Variants in OTOG observed in about 807,000 individuals in gnomAD.
OTOG encodes the protein otogelin.
OTOG carries 296 observed loss-of-function variants against 313.8 expected under a neutral mutation model. The ratio of observed to expected loss-of-function variants is 0.94; its 90% CI spans 0.86 to 1.04. The LOEUF (loss-of-function observed/expected upper bound fraction) is 1.04, where lower values mean the gene tolerates loss of function less well. OTOG is among the 50% of genes least tolerant of loss of function. The probability of loss-of-function intolerance (pLI) is 0.00; values close to 1 mark genes in which losing one functional copy is unlikely to be tolerated. For missense variants in OTOG, 3,948 were observed against 3,840.1 expected (o/e 1.03, Z -0.74); for synonymous variants, 1,533 against 1,554.9 (o/e 0.99, Z 0.33).
At chr11:17,589,601 T>C (rs1319548951) in intron 24 of OTOG, among the ~76,000 whole-genome samples, 2 of 152,186 alleles carry the variant, frequency 1.3e-5, no homozygotes, top group South Asian at 2.1e-4. Flanking sequence ...CTCATCCCTA[T>C]TGCATAAAAA....
At position 17,633,722 on chromosome 11, in the gene OTOG, C is replaced by T. The variant is rs768535646; in HGVS notation, c.7115C>T (p.Thr2372Ile). 32 of 1,549,214 alleles carry T rather than the reference C, an allele frequency of 2.1e-5. 1 individual carries two copies. In the South Asian group the frequency reaches 3.8e-4, roughly 18 times the overall value. ...GACTCCACATACCAGGCATGTGTGA[C>T]AGCCTGTGAGCCACCCAAGACATGC... ...SSDSTYQACV[T>I]ACEPPKTCQD... The change falls in exon 43 of 56, where the codon ACA becomes ATA. Residue 2372 changes from threonine to isoleucine, a missense_variant. Thr to Ile is a moderately conservative substitution (Grantham distance 89, BLOSUM62 -1). Coordinates refer to ENST00000399397, the MANE Select transcript of OTOG (RefSeq NM_001292063.2).
At chr11:17,590,219 C>T (rs866555301) in intron 24 of OTOG, among the ~76,000 whole-genome samples, 2 of 152,216 alleles carry the variant, frequency 1.3e-5, no homozygotes, top group African/African-American at 4.8e-5. Context: ...ATACGTATGT[C>T]TAATGGAGGT....
chr11:17,638,650 T>A, intron 48 of OTOG, 101 bp downstream of exon 48: 1 of 1,484,532 alleles, frequency 6.7e-7, no homozygotes, highest in South Asian at 1.2e-5. Context: ...TCCTCTCAGA[T>A]CTGTCCCCTG....
At chr11:17,574,225 G>A (rs1419366620) in intron 19 of OTOG, among the ~76,000 whole-genome samples, 1 of 152,160 alleles carries the variant, frequency 6.6e-6, no homozygotes, top group Non-Finnish European at 1.5e-5. Context: ...CTTGAGTCTT[G>A]GGACAAAGGG....
chr11:17,556,494 T>G (rs1319011196), intron 7 of OTOG, among the ~76,000 whole-genome samples: 2 of 152,222 alleles, frequency 1.3e-5, no homozygotes, highest in African/African-American at 4.8e-5. Context: ...GTAATGACAC[T>G]TCTCCCTGTC....
chr11:17,632,970 T>C (rs574270057), intron 42 of OTOG, among the ~76,000 whole-genome samples: 2 of 152,270 alleles, frequency 1.3e-5, no homozygotes, highest in East Asian at 1.9e-4. Flanking sequence ...AAAAATACAA[T>C]AGAATAGAAA....
At chr11:17,565,643 C>T (rs1852280553) in intron 15 of OTOG, among the ~76,000 whole-genome samples, 2 of 152,176 alleles carry the variant, frequency 1.3e-5, no homozygotes, top group Admixed American at 1.3e-4. Flanking sequence ...TGTCTCTTTT[C>T]TCCCATTTAC....
In OTOG at chr11:17,560,651, C is replaced by T. The variant is rs574328097; in HGVS notation, c.1343-58C>T. On this transcript the variant is annotated intron_variant, in intron 12 of 55. Coordinates refer to ENST00000399397, the MANE Select transcript of OTOG (RefSeq NM_001292063.2). ...CTTTATCAGAGGCCCTGGGGAGCCA[C>T]GAATGGTTTGTGAACAGGGGCAAAG... The T allele has an allele frequency of 2.8e-5, 36 of 1,305,684 alleles. No homozygotes were observed. In the African/African-American group the frequency reaches 4.0e-4, roughly 14 times the overall value. The allele number at this position is 1,305,684 out of a possible 1,614,324, so 80.9% of individuals were successfully genotyped here. A position where few individuals can be genotyped will look rare whatever the true frequency, so the allele number is the denominator to read the frequency against.
intron 49 of OTOG, among the ~76,000 whole-genome samples, 200 bp from the exon 50 acceptor site, chr11:17,640,545 G>C (rs908468898): frequency 6.6e-6 from 1 of 152,212 alleles, no homozygotes; most frequent in Non-Finnish European, 1.5e-5. Flanking sequence ...AGAGGACACT[G>C]GACAGTGCTC....
At chr11:17,630,663 G>A (rs7941801) in intron 40 of OTOG, among the ~76,000 whole-genome samples, 80 of 152,180 alleles carry the variant, frequency 5.3e-4, no homozygotes, top group African/African-American at 1.8e-3. Context: ...ACAATCTTTT[G>A]TGAAAGGCTG....
chr11:17,556,741 G>T (rs1852064263), intron 7 of OTOG, among the ~76,000 whole-genome samples: 1 of 152,172 alleles, frequency 6.6e-6, no homozygotes, highest in Admixed American at 6.5e-5. Context: ...GGTCAAGGCT[G>T]CTGGAGCCCG....
At chr11:17,577,764 C>G (rs1285402990) in intron 22 of OTOG, among the ~76,000 whole-genome samples, 2 of 152,180 alleles carry the variant, frequency 1.3e-5, no homozygotes, top group Admixed American at 1.3e-4. Flanking sequence ...TTCATCCCAG[C>G]CTGGGCATGG....
At chr11:17,628,131 G>A (rs993530234) in intron 39 of OTOG, among the ~76,000 whole-genome samples, 7 of 151,472 alleles carry the variant, frequency 4.6e-5, no homozygotes, top group Admixed American at 1.3e-4. Context: ...TGCTTTTTTA[G>A]TTCTTTAAGA....
chr11:17,604,127 CAG>C (rs1252649044), intron 32 of OTOG, among the ~76,000 whole-genome samples: 2 of 152,178 alleles, frequency 1.3e-5, no homozygotes. Context: ...CGTTTGGCTC[CAG>C]AGTCTTTCAT....
chr11:17,613,078 G>A (rs1011324046), intron 38 of OTOG, among the ~76,000 whole-genome samples: 2 of 152,186 alleles, frequency 1.3e-5, no homozygotes, highest in African/African-American at 2.4e-5. Flanking sequence ...GGTGTGGCCC[G>A]AGGTCATGGG....
chr11:17,645,720 G>T lies in OTOG; in HGVS notation c.8542-24G>T, dbSNP rs35734300. On this transcript the variant is annotated intron_variant, in intron 55 of 55. Coordinates refer to ENST00000399397, the MANE Select transcript of OTOG (RefSeq NM_001292063.2). Reference sequence around the variant, plus strand: ...TTTGGGGGTGTGAGCACCACAGACTGCCTCACTGGCCTGCCCGTTCCAGGT... The same window carrying T: ...TTTGGGGGTGTGAGCACCACAGACTTCCTCACTGGCCTGCCCGTTCCAGGT... 0.01 allele frequency: 15,788 copies of T among 1,550,808 alleles called. 100 individuals carry two copies. Among genetic ancestry groups the T allele is most frequent in the Middle Eastern group, 0.023 (139 of 5,994 alleles).
intron 24 of OTOG, among the ~76,000 whole-genome samples, chr11:17,587,959 C>G (rs1852840985): frequency 6.6e-6 from 1 of 152,198 alleles, no homozygotes; most frequent in African/African-American, 2.4e-5. Context: ...CACCCTCACC[C>G]TCAGGCAGGG....
intron 34 of OTOG, 52 bp downstream of exon 34, chr11:17,608,465 T>G: frequency 1.6e-6 from 2 of 1,236,206 alleles, no homozygotes; most frequent in South Asian, 3.1e-5. Flanking sequence ...CACTAGTGTG[T>G]GTGTGCACTC....
At chr11:17,570,564 T>C (rs1852383613) in intron 17 of OTOG, 174 bp downstream of exon 17, 1 of 645,266 alleles carries the variant, frequency 1.5e-6, no homozygotes. Flanking sequence ...AAAGCAGCGG[T>C]TCACAGTCCT....
Sources: gnomAD v4.1 joint callset for allele counts (sites outside exome capture counted in the v4.1 genomes callset) on GRCh38, gnomAD v4.1.1 for gene constraint, MANE v1.5 for transcripts, NCBI Gene and HGNC (gene_info 2026-07-23, HGNC 2026-07-21) for gene names.